CNTNAP5: variants seen among roughly 807,000 people sequenced by gnomAD.
CNTNAP5 encodes contactin associated protein family member 5.
In CNTNAP5, 72 loss-of-function variants were observed where a neutral mutation model predicts 150.2. The observed-to-expected ratio is 0.48, with a 90% confidence interval of 0.40 to 0.58. The LOEUF (loss-of-function observed/expected upper bound fraction) is 0.58, where lower values mean the gene tolerates loss of function less well. CNTNAP5 is among the 20% of genes least tolerant of loss of function. CNTNAP5 has a pLI of 0.00. For synonymous variants in CNTNAP5, 672 were observed against 619.8 expected (o/e 1.08, Z -1.25); for missense variants, 1,636 against 1,626.2 (o/e 1.01, Z -0.10).
chr2:124,392,867 C>G (rs989248665), intron 3 of CNTNAP5, among the ~76,000 whole-genome samples: 1 of 152,056 alleles, frequency 6.6e-6, no homozygotes, highest in Non-Finnish European at 1.5e-5. Flanking sequence ...TAAAGAAGCA[C>G]CTTTGGTTTA....
At chr2:124,306,719 C>CTTTTTTT (rs762901729) in intron 3 of CNTNAP5, among the ~76,000 whole-genome samples, 26 of 64,344 alleles carry the variant, frequency 4.0e-4, no homozygotes, top group African/African-American at 1.1e-3. Context: ...CTCTCTCTTT[C>CTTTTTTT]TTTTTTTTTT....
At chr2:124,412,244 G>A (rs1445863187) in intron 3 of CNTNAP5, among the ~76,000 whole-genome samples, 1 of 146,576 alleles carries the variant, frequency 6.8e-6, no homozygotes, top group Non-Finnish European at 1.5e-5. Context: ...ACAAACAAAT[G>A]GAAGAACATT....
chr2:124,773,671 G>T (rs1372386643), intron 17 of CNTNAP5, among the ~76,000 whole-genome samples: 2 of 152,038 alleles, frequency 1.3e-5, no homozygotes, highest in African/African-American at 4.8e-5. Flanking sequence ...TAGTCACTGA[G>T]CATCTACAAC....
In CNTNAP5 at chr2:124,232,302, G is replaced by T. The variant is rs535058675; in HGVS notation, c.188-9898G>T. On this transcript the variant is annotated intron_variant, in intron 2 of 23. Transcript: ENST00000682447. ...TTTCAATGTGTGTCACATTTAGGAGGAAATAAGCTATGTTCAGCTGGAACA... is the reference window on the plus strand; with the variant it reads ...TTTCAATGTGTGTCACATTTAGGAGTAAATAAGCTATGTTCAGCTGGAACA... 3.3e-5 allele frequency among the ~76,000 whole-genome samples: 5 copies of T among 152,262 alleles called. No homozygotes were observed. The South Asian group carries it at 1.0e-3, about 32-fold the overall frequency.
intron 10 of CNTNAP5, among the ~76,000 whole-genome samples, chr2:124,533,610 T>C (rs1573441865): frequency 6.6e-6 from 1 of 152,154 alleles, no homozygotes; most frequent in Non-Finnish European, 1.5e-5. Context: ...TTTTTGCAGC[T>C]CCCTCAAAGT....
chr2:124,238,264 T>C (rs1417353074), intron 2 of CNTNAP5, among the ~76,000 whole-genome samples: 1 of 152,032 alleles, frequency 6.6e-6, no homozygotes, highest in Non-Finnish European at 1.5e-5. Flanking sequence ...ACTTCCTAGT[T>C]TATGATCTTG....
At chr2:124,284,743 G>T (rs1013137690) in intron 3 of CNTNAP5, among the ~76,000 whole-genome samples, 2 of 152,270 alleles carry the variant, frequency 1.3e-5, no homozygotes, top group East Asian at 1.9e-4. Context: ...TACTGGAAAA[G>T]AATGAATGTT....
chr2:124,163,214 G>A (rs1021871366), intron 1 of CNTNAP5, among the ~76,000 whole-genome samples: 1 of 152,082 alleles, frequency 6.6e-6, no homozygotes, highest in African/African-American at 2.4e-5. Flanking sequence ...TCAGATCAAA[G>A]CAAATATATC....
Position 124,747,214 on chromosome 2 carries a change from T to A in CNTNAP5, c.2078-15T>A. ...GCTTGCCCTACCCTGACTGGTGGAA[T>A]ATCTTGTCTTCCAGATGGAACACCA... On this transcript the variant is annotated splice_polypyrimidine_tract_variant and intron_variant, in intron 13 of 23. Transcript: ENST00000682447. 1 of 1,609,512 alleles carries A rather than the reference T, an allele frequency of 6.2e-7. No individual in the cohort carries two copies. The highest frequency in any genetic ancestry group is 8.5e-7 in the Non-Finnish European group (1 of 1,176,430).
chr2:124,256,748 A>G (rs1173607561), intron 3 of CNTNAP5, among the ~76,000 whole-genome samples: 1 of 152,182 alleles, frequency 6.6e-6, no homozygotes, highest in Non-Finnish European at 1.5e-5. Flanking sequence ...ATGGAAGTGT[A>G]TGTAAGAGCT....
chr2:124,845,939 T>A (rs1683038941), intron 19 of CNTNAP5, among the ~76,000 whole-genome samples: 1 of 149,364 alleles, frequency 6.7e-6, no homozygotes, highest in Non-Finnish European at 1.5e-5. Flanking sequence ...AAGAACCAGC[T>A]TTTTTTTTTC....
chr2:124,590,985 C>A (rs1194598288), intron 11 of CNTNAP5, among the ~76,000 whole-genome samples: 1 of 152,170 alleles, frequency 6.6e-6, no homozygotes, highest in African/African-American at 2.4e-5. Flanking sequence ...TATATTCAGA[C>A]TATTTTCCTC....
intron 13 of CNTNAP5, among the ~76,000 whole-genome samples, chr2:124,661,519 T>C (rs560268577): frequency 6.6e-6 from 1 of 151,980 alleles, no homozygotes; most frequent in Admixed American, 6.6e-5. Flanking sequence ...ATTATAACAA[T>C]GCCTTTTTCT....
intron 13 of CNTNAP5, among the ~76,000 whole-genome samples, chr2:124,678,617 C>T (rs1296973659): frequency 6.6e-6 from 1 of 151,684 alleles, no homozygotes; most frequent in East Asian, 1.9e-4. Flanking sequence ...AAAAAGGATT[C>T]CCGAGGTGAG....
intron 1 of CNTNAP5, among the ~76,000 whole-genome samples, chr2:124,084,962 C>A (rs1235679248): frequency 4.6e-4 from 51 of 111,882 alleles, no homozygotes; most frequent in African/African-American, 1.6e-3. Flanking sequence ...CGCTTTGTTG[C>A]CCAGGCTGGA....
intron 10 of CNTNAP5, among the ~76,000 whole-genome samples, chr2:124,537,028 G>A (rs1558944528): frequency 6.6e-6 from 1 of 151,774 alleles, no homozygotes; most frequent in Non-Finnish European, 1.5e-5. Flanking sequence ...TGTGGTGTGT[G>A]TGTGTGTGTG....
At chr2:124,512,419 C>A (rs529776995) in intron 8 of CNTNAP5, among the ~76,000 whole-genome samples, 1 of 152,044 alleles carries the variant, frequency 6.6e-6, no homozygotes, top group Non-Finnish European at 1.5e-5. Context: ...CTGACCCTGG[C>A]GCTGGCACCA....
At chr2:124,810,860 T>C (rs1295097479) in intron 19 of CNTNAP5, among the ~76,000 whole-genome samples, 1 of 151,970 alleles carries the variant, frequency 6.6e-6, no homozygotes, top group Non-Finnish European at 1.5e-5. Flanking sequence ...CTGCTACAGG[T>C]ATGCAGTGAG....
rs10203231 is a variant in CNTNAP5, at chr2:124,654,930, A to G, written c.2077+6972A>G. Among the ~76,000 whole-genome samples the G allele has an allele frequency of 1.6e-3, 247 of 150,194 alleles. 1 individual carries two copies. Among genetic ancestry groups the G allele is most frequent in the African/African-American group, 5.9e-3 (242 of 40,938 alleles). On this transcript the variant is annotated intron_variant, in intron 13 of 23. Coordinates refer to ENST00000682447, the MANE Select transcript of CNTNAP5 (RefSeq NM_001367498.1). ...GGGTAGTATTTGACTTTTTTTTTTT[A>G]CTTATTTCTTAAATTATGCTCCCTA...
Sources: gnomAD v4.1 joint callset for allele counts (sites outside exome capture counted in the v4.1 genomes callset) on GRCh38, gnomAD v4.1.1 for gene constraint, MANE v1.5 for transcripts, NCBI Gene and HGNC (gene_info 2026-07-23, HGNC 2026-07-21) for gene names.